ZNF396: variants seen among roughly 807,000 people sequenced by gnomAD.
The protein encoded by ZNF396 is zinc finger and SCAN domain-containing protein 14.
In ZNF396, 14 loss-of-function variants were observed where a neutral mutation model predicts 20.5. That is an observed-to-expected ratio of 0.68 (90% confidence interval 0.45 to 1.07). The LOEUF (loss-of-function observed/expected upper bound fraction) is 1.07. ZNF396 is among the 50% of genes least tolerant of loss of function. ZNF396 has a pLI of 0.00. For synonymous variants in ZNF396, 119 were observed against 140.6 expected (o/e 0.85, Z 1.08); for missense variants, 347 against 390.1 (o/e 0.89, Z 0.93).
chr18:35,368,111 CCT>C lies in ZNF396; in HGVS notation c.*1102_*1103del. The C allele has an allele frequency of 4.1e-6, 1 of 245,860 alleles. No individual in the cohort carries two copies. Among genetic ancestry groups the C allele is most frequent in the Non-Finnish European group, 7.7e-6 (1 of 129,558 alleles). The allele number at this position is 245,860 out of a possible 1,614,324, so 15.2% of individuals were successfully genotyped here. A position where few individuals can be genotyped will look rare whatever the true frequency, so the allele number is the denominator to read the frequency against. On this transcript the variant is annotated 3_prime_UTR_variant, in exon 4 of 4. Coordinates refer to ENST00000589332, the MANE Select transcript of ZNF396 (RefSeq NM_001322286.2). Reference sequence around the variant, plus strand: ...CTTGTTTGACAATTTTGTTCATCTCCCTTTTTTCTTTATATTAAGATGATCAT... The same window carrying C: ...CTTGTTTGACAATTTTGTTCATCTCCTTTTTCTTTATATTAAGATGATCAT...
chr18:35,373,348 G>A (rs2045208645), intron 3 of ZNF396, 108 bp downstream of exon 3: 1 of 1,324,360 alleles, frequency 7.6e-7, no homozygotes, highest in Admixed American at 2.5e-5. Flanking sequence ...CAGTAAGGAG[G>A]AGATGAGAGG....
rs2045111428 is a variant in ZNF396, at chr18:35,367,502, C to T, written c.*1713G>A. The T allele has an allele frequency of 6.6e-6, 1 of 152,176 alleles. No individual in the cohort carries two copies. The highest frequency in any genetic ancestry group is 2.1e-4 in the South Asian group (1 of 4,836). The allele number at this position is 152,176 out of a possible 1,614,324, so 9.4% of individuals were successfully genotyped here. ...CAAGGACTTTGATTTCTGATGTTTGCCTCCATATTGTGTAACTGTAGCACC... is the reference window on the plus strand; with the variant it reads ...CAAGGACTTTGATTTCTGATGTTTGTCTCCATATTGTGTAACTGTAGCACC... On this transcript the variant is annotated 3_prime_UTR_variant, in exon 4 of 4. Transcript: ENST00000589332.
At position 35,367,063 on chromosome 18, in the gene ZNF396, T is replaced by G. The variant is rs1000070577; in HGVS notation, c.*2152A>C. On this transcript the variant is annotated 3_prime_UTR_variant, in exon 4 of 4. Transcript: ENST00000589332. ...GAACCTAAGAAACTCTTTCCGTAAT[T>G]AAGCAGTAATTCACAATATATACAT... The G allele has an allele frequency of 1.1e-4, 17 of 152,216 alleles. No individual in the cohort carries two copies. Among genetic ancestry groups the G allele is most frequent in the Admixed American group, 1.1e-3 (17 of 15,280 alleles). The allele number at this position is 152,216 out of a possible 1,614,324, so 9.4% of individuals were successfully genotyped here.
chr18:35,377,098 G>C (rs2045269477), intron 1 of ZNF396, among the ~76,000 whole-genome samples, 180 bp downstream of exon 1: 1 of 152,144 alleles, frequency 6.6e-6, no homozygotes, highest in South Asian at 2.1e-4. Flanking sequence ...CGCGGACTCA[G>C]GGGCAGGCAG....
chr18:35,367,049 ACT>A lies in ZNF396; in HGVS notation c.*2164_*2165del, dbSNP rs1484968097. 4 of 152,136 alleles carry A rather than the reference ACT, an allele frequency of 2.6e-5. No homozygotes were observed. The East Asian group carries it at 7.7e-4, about 29-fold the overall frequency. 9.4% of individuals were successfully genotyped at this position (152,136 alleles called of 1,614,324 possible). A position where few individuals can be genotyped will look rare whatever the true frequency, so the allele number is the denominator to read the frequency against. On this transcript the variant is annotated 3_prime_UTR_variant, in exon 4 of 4. Coordinates refer to ENST00000589332, the MANE Select transcript of ZNF396 (RefSeq NM_001322286.2). ...ATCTTATTCACATAGAACCTAAGAA[ACT>A]CTTTCCGTAATTAAGCAGTAATTCA...
chr18:35,371,866 A>T (rs546580385), intron 3 of ZNF396: 3 of 152,336 alleles, frequency 2.0e-5, no homozygotes, highest in Admixed American at 2.0e-4. Flanking sequence ...TATAAATGGT[A>T]AGGATTCTGT....
intron 1 of ZNF396, among the ~76,000 whole-genome samples, chr18:35,377,026 G>A (rs892512741): frequency 3.9e-5 from 6 of 152,228 alleles, no homozygotes; most frequent in Admixed American, 6.5e-5. Flanking sequence ...GGCAGGTGGC[G>A]CGGGTTCACC....
At chr18:35,372,056 A>G (rs1035218878) in intron 3 of ZNF396, 1 of 152,150 alleles carries the variant, frequency 6.6e-6, no homozygotes, top group Non-Finnish European at 1.5e-5. Flanking sequence ...AAATGGTTCT[A>G]TTATTCTATC....
chr18:35,373,563 T>G lies in ZNF396; in HGVS notation c.455A>C (p.Lys152Thr). 4.3e-6 allele frequency: 7 copies of G among 1,614,168 alleles called. No individual in the cohort carries two copies. Among genetic ancestry groups the G allele is most frequent in the Non-Finnish European group, 5.9e-6 (7 of 1,180,010 alleles). ...FGRRKDMIAEKLAPSEITEEL... is the reference protein window; with the variant it reads ...FGRRKDMIAETLAPSEITEEL... ...CTCAGTGATTTCTGAAGGTGCTAGC[T>G]TCTCTGCAATCATGTCCTTCCTTCG... The change falls in exon 3 of 4, where the codon AAG becomes ACG. Residue 152 changes from lysine to threonine, a missense_variant. Lys to Thr is a moderately conservative substitution (Grantham distance 78). Transcript: ENST00000589332.
rs1305259392 is a variant in ZNF396 at position 35,368,313 on chromosome 18, G to A, written c.*902C>T. The A allele has an allele frequency of 6.1e-6, 7 of 1,150,742 alleles. No individual in the cohort carries two copies. In the African/African-American group the frequency reaches 9.6e-5, roughly 16 times the overall value. The allele number at this position is 1,150,742 out of a possible 1,614,324, so 71.3% of individuals were successfully genotyped here. The stretch of plus-strand genomic sequence containing the variant: ...GAAATTAACTTGATATTAATAGTAT[G>A]GAGGCTCTTGTGTGCTTTCATAAGA... On this transcript the variant is annotated 3_prime_UTR_variant, in exon 4 of 4. Coordinates refer to ENST00000589332, the MANE Select transcript of ZNF396 (RefSeq NM_001322286.2).
At chr18:35,370,539 G>C (rs1323613212) in intron 3 of ZNF396, among the ~76,000 whole-genome samples, 1 of 117,460 alleles carries the variant, frequency 8.5e-6, no homozygotes, top group Non-Finnish European at 1.7e-5. Context: ...TTGAGACGGA[G>C]TCTCGCTCTG....
chr18:35,370,504 A>T (rs1459841328), intron 3 of ZNF396, among the ~76,000 whole-genome samples: 63 of 81,746 alleles, frequency 7.7e-4, no homozygotes, highest in South Asian at 1.0e-3. Flanking sequence ...TCATGGTGGC[A>T]TTTTTTTTTT....
intron 1 of ZNF396, among the ~76,000 whole-genome samples, chr18:35,376,808 G>A (rs1433582683): frequency 6.6e-6 from 1 of 152,188 alleles, no homozygotes; most frequent in Non-Finnish European, 1.5e-5. Flanking sequence ...CCCCGACACC[G>A]CACGACAACC....
chr18:35,372,446 G>A (rs1056099259), intron 3 of ZNF396: 6 of 152,280 alleles, frequency 3.9e-5, no homozygotes, highest in South Asian at 2.1e-4. Context: ...CTAAATTACT[G>A]TATTTCCTTT....
Position 35,369,358 on chromosome 18 carries a change from T to TTCTGATTCA in ZNF396, c.864_865insTGAATCAGA (p.Phe288_Ser289insTer). 1 of 1,614,268 alleles carries TTCTGATTCA rather than the reference T, an allele frequency of 6.2e-7. No homozygotes were observed. The highest frequency in any genetic ancestry group is 1.1e-5 in the South Asian group (1 of 91,082). ...TGCTGAATCAGAATTGCGCTTCGGCTGAATGCCTTTGCACACTCGTCACAT... is the reference window on the plus strand; with the variant it reads ...TGCTGAATCAGAATTGCGCTTCGGCTTCTGATTCAGAATGCCTTTGCACACTCGTCACAT... On this transcript the variant is annotated stop_gained and inframe_insertion, in exon 4 of 4. Transcript: ENST00000589332. LOFTEE classifies it low-confidence loss of function (END_TRUNC).
rs764799032 is a variant in ZNF396 at position 35,368,562 on chromosome 18, C to T, written c.*653G>A. 4 of 479,774 alleles carry T rather than the reference C, an allele frequency of 8.3e-6. No homozygotes were observed. Among genetic ancestry groups the T allele is most frequent in the East Asian group, 1.7e-4 (2 of 11,828 alleles). The allele number at this position is 479,774 out of a possible 1,614,324, so 29.7% of individuals were successfully genotyped here. On this transcript the variant is annotated 3_prime_UTR_variant, in exon 4 of 4. Coordinates refer to ENST00000589332, the MANE Select transcript of ZNF396 (RefSeq NM_001322286.2). ...TGTCTGAGCGGTTCAAGCAATTTTC[C>T]TGCCTCAGCCTCCCTAGTAGCTGGG...
Position 35,369,801 on chromosome 18 carries a change from T to TATA in ZNF396, c.563-142_563-141insTAT, listed in dbSNP as rs2045148981. On this transcript the variant is annotated intron_variant, in intron 3 of 3. Transcript: ENST00000589332. Reference sequence around the variant, plus strand: ...AAGACAAAATATTGAGAAGTTTATATAAGACATAGAGAAAGGTTTACATAC... The same window carrying TATA: ...AAGACAAAATATTGAGAAGTTTATATATAAAGACATAGAGAAAGGTTTACATAC... 3 of 902,984 alleles carry TATA rather than the reference T, an allele frequency of 3.3e-6. No homozygotes were observed. The East Asian group carries it at 8.0e-5, about 24-fold the overall frequency. 55.9% of individuals were successfully genotyped at this position (902,984 alleles called of 1,614,324 possible).
Position 35,374,858 on chromosome 18 carries a change from T to G in ZNF396, c.-72-494A>C, listed in dbSNP as rs1334392648. ...AACCAAACAGCTAAGACTCATTAAT[T>G]CATATGCATAAGTGATTCACAATTC... On this transcript the variant is annotated intron_variant, in intron 1 of 3. Coordinates refer to ENST00000589332, the MANE Select transcript of ZNF396 (RefSeq NM_001322286.2). This position sits in a 1 kb window ranked among gnomAD's most constrained non-coding sequence, Gnocchi z 4.3. 3 of 153,010 alleles carry G rather than the reference T, an allele frequency of 2.0e-5. No individual in the cohort carries two copies. Among genetic ancestry groups the G allele is most frequent in the African/African-American group, 7.2e-5 (3 of 41,428 alleles). 9.5% of individuals were successfully genotyped at this position (153,010 alleles called of 1,614,324 possible). A position where few individuals can be genotyped will look rare whatever the true frequency, so the allele number is the denominator to read the frequency against.
rs2045220618 is a variant in ZNF396, at chr18:35,373,929, C to T, written c.364G>A (p.Glu122Lys). 1 of 1,614,102 alleles carries T rather than the reference C, an allele frequency of 6.2e-7. No individual in the cohort carries two copies. Among genetic ancestry groups the T allele is most frequent in the Admixed American group, 1.7e-5 (1 of 60,006 alleles). The stretch of plus-strand genomic sequence containing the variant: ...ACATCCTCCAGCATAGTCACAGTTT[C>T]CTCTCCATTCTCTGGATGATGCTTC... ...VQKHHPENGE[E>K]TVTMLEDVER... is the part of the protein sequence containing the mutation. Residue 122 changes from glutamate (E) to lysine (K), a missense_variant, in exon 2 of 4, where the codon GAA becomes AAA. Transcript: ENST00000589332.
Sources: allele counts gnomAD v4.1 joint callset (sites outside exome capture counted in the v4.1 genomes callset), GRCh38; gene constraint gnomAD v4.1.1; non-coding constraint Gnocchi (gnomAD v3.1); transcripts MANE v1.5; gene names NCBI Gene and HGNC (gene_info 2026-07-23, HGNC 2026-07-21).